Variants in NPSR1 observed in about 807,000 individuals in gnomAD.
The protein encoded by NPSR1 is neuropeptide S receptor.
A neutral mutation model predicts 46.9 loss-of-function variants in NPSR1; 48 were observed. The observed-to-expected ratio is 1.02, with a 90% CI of 0.81 to 1.30. The LOEUF (loss-of-function observed/expected upper bound fraction) is 1.30, where lower values mean the gene tolerates loss of function less well. Among genes scored for constraint, NPSR1 ranks in the 50% most tolerant of loss-of-function variants. NPSR1 has a pLI of 0.00. For missense variants in NPSR1, 450 were observed against 449.5 expected (o/e 1.00, Z -0.01); for synonymous variants, 176 against 168.1 (o/e 1.05, Z -0.36).
intron 2 of NPSR1, among the ~76,000 whole-genome samples, chr7:34,709,619 A>G (rs925036256): frequency 5.3e-5 from 8 of 152,158 alleles, no homozygotes; most frequent in Non-Finnish European, 1.0e-4. Context: ...CCTTTTTCAC[A>G]GCAATTGTCA....
intron 5 of NPSR1, 84 bp downstream of exon 5, chr7:34,827,686 A>G (rs1164303862): frequency 6.7e-6 from 6 of 891,152 alleles, no homozygotes; most frequent in Non-Finnish European, 8.7e-6. Context: ...TCTCCTCCCC[A>G]ACAGACCCAT....
chr7:34,782,278 G>T (rs1039352257), intron 3 of NPSR1, among the ~76,000 whole-genome samples: 1 of 152,132 alleles, frequency 6.6e-6, no homozygotes, highest in Admixed American at 6.6e-5. Flanking sequence ...TACTCCATGA[G>T]TGTCACCCAT....
chr7:34,787,773 T>C lies in NPSR1; in HGVS notation c.384+9208T>C, dbSNP rs1440902026. Among the ~76,000 whole-genome samples, 3 of 152,132 alleles carry C rather than the reference T, an allele frequency of 2.0e-5. 1 individual carries two copies. The highest frequency in any genetic ancestry group is 4.8e-5 in the African/African-American group (2 of 41,438). ...CAACCAGTTGGTGGAGCTGTCAGTA[T>C]GCACACAACATTTATCAGTTAAGTT... On this transcript the variant is annotated intron_variant, in intron 3 of 8. Coordinates refer to ENST00000360581, the MANE Select transcript of NPSR1 (RefSeq NM_207172.2).
intron 2 of NPSR1, among the ~76,000 whole-genome samples, chr7:34,699,374 A>C (rs1016957678): frequency 6.6e-6 from 1 of 152,268 alleles, no homozygotes; most frequent in African/African-American, 2.4e-5. Flanking sequence ...TTGTTAATGC[A>C]TTCCTGCAAT....
intron 4 of NPSR1, among the ~76,000 whole-genome samples, chr7:34,813,644 G>C (rs984451720): frequency 6.6e-6 from 1 of 152,166 alleles, no homozygotes; most frequent in Non-Finnish European, 1.5e-5. Context: ...GAAAGACAGA[G>C]AGGAGCAGAA....
chr7:34,855,277 GAAAC>G (rs1208658214), intron 8 of NPSR1, among the ~76,000 whole-genome samples: 1 of 151,564 alleles, frequency 6.6e-6, no homozygotes, highest in Non-Finnish European at 1.5e-5. Flanking sequence ...AATGAAATAA[GAAAC>G]AAACATAATA....
intron 2 of NPSR1, among the ~76,000 whole-genome samples, chr7:34,690,971 C>T (rs1793221073): frequency 6.6e-6 from 1 of 151,984 alleles, no homozygotes; most frequent in Non-Finnish European, 1.5e-5. Context: ...CTAAGAGTGC[C>T]CAGAGAGAAG....
chr7:34,701,248 C>T (rs186543115), intron 2 of NPSR1, among the ~76,000 whole-genome samples: 2 of 152,274 alleles, frequency 1.3e-5, no homozygotes, highest in East Asian at 1.9e-4. Flanking sequence ...AAAAACAGAT[C>T]CTCCAAAAGA....
chr7:34,833,651 G>A (rs1030050452), intron 5 of NPSR1, among the ~76,000 whole-genome samples: 17 of 152,292 alleles, frequency 1.1e-4, no homozygotes, highest in South Asian at 2.1e-4. Flanking sequence ...TTATCTCACA[G>A]TTTCTGTGGG....
intron 3 of NPSR1, among the ~76,000 whole-genome samples, chr7:34,784,444 T>C (rs1787369177): frequency 6.6e-6 from 1 of 152,134 alleles, no homozygotes; most frequent in African/African-American, 2.4e-5. Flanking sequence ...GAGATAATCA[T>C]GTGGTTTTTG....
At chr7:34,823,730 A>T (rs1349087707) in intron 4 of NPSR1, among the ~76,000 whole-genome samples, 3 of 152,314 alleles carry the variant, frequency 2.0e-5, no homozygotes, top group African/African-American at 7.2e-5. Context: ...ATTTATAATA[A>T]AAAATGGAAA....
chr7:34,848,075 G>A (rs562735677), intron 7 of NPSR1, among the ~76,000 whole-genome samples: 15 of 152,272 alleles, frequency 9.9e-5, no homozygotes, highest in South Asian at 6.2e-4. Flanking sequence ...TAGTCACTAC[G>A]TGGTCAAAAT....
At chr7:34,678,608 T>C (rs891546946) in intron 1 of NPSR1, among the ~76,000 whole-genome samples, 1 of 151,974 alleles carries the variant, frequency 6.6e-6, no homozygotes, top group African/African-American at 2.4e-5. Context: ...GGGTGGATCA[T>C]GAGGTCAGGA....
At chr7:34,799,174 A>G (rs537022602) in intron 3 of NPSR1, among the ~76,000 whole-genome samples, 1 of 152,134 alleles carries the variant, frequency 6.6e-6, no homozygotes, top group Non-Finnish European at 1.5e-5. Context: ...GAGGTAATGA[A>G]TATGTTAATT....
chr7:34,695,843 A>G (rs537408096), intron 2 of NPSR1, among the ~76,000 whole-genome samples: 5 of 152,288 alleles, frequency 3.3e-5, no homozygotes, highest in South Asian at 4.1e-4. Flanking sequence ...GTAGACTTAC[A>G]CACTTTTGAG....
intron 3 of NPSR1, among the ~76,000 whole-genome samples, chr7:34,808,529 CATATTT>C (rs1347391704): frequency 1.3e-5 from 2 of 152,152 alleles, no homozygotes; most frequent in African/African-American, 2.4e-5. Context: ...GTTCCATAGT[CATATTT>C]ATAATTATTT....
chr7:34,804,895 G>T (rs1202383200), intron 3 of NPSR1, among the ~76,000 whole-genome samples: 1 of 151,774 alleles, frequency 6.6e-6, no homozygotes, highest in Non-Finnish European at 1.5e-5. Context: ...TTTTTTTCCA[G>T]CAATTACCAA....
At chr7:34,729,093 C>T (rs1784300032) in intron 2 of NPSR1, among the ~76,000 whole-genome samples, 1 of 152,118 alleles carries the variant, frequency 6.6e-6, no homozygotes, top group Non-Finnish European at 1.5e-5. Context: ...CTGAACAAAC[C>T]CCTTCTGAGC....
At chr7:34,844,688 A>G (rs1356115241) in intron 6 of NPSR1, among the ~76,000 whole-genome samples, 1 of 152,204 alleles carries the variant, frequency 6.6e-6, no homozygotes, top group Non-Finnish European at 1.5e-5. Flanking sequence ...TACCATTTTC[A>G]TATAATATTA....
Sources: gnomAD v4.1 joint callset for allele counts (sites outside exome capture counted in the v4.1 genomes callset) on GRCh38, gnomAD v4.1.1 for gene constraint, MANE v1.5 for transcripts, NCBI Gene and HGNC (gene_info 2026-07-23, HGNC 2026-07-21) for gene names.